NCKAP5: variants seen among roughly 807,000 people sequenced by gnomAD.
NCKAP5 encodes the protein nck-associated protein 5.
Under a neutral mutation model 167.0 loss-of-function variants are expected in NCKAP5, and 92 were observed. The observed-to-expected ratio is 0.55, with a 90% CI of 0.47 to 0.66. The LOEUF (loss-of-function observed/expected upper bound fraction) is 0.66, where lower values mean the gene tolerates loss of function less well. Among genes scored for constraint, NCKAP5 ranks in the 30% least tolerant of loss-of-function variants. The pLI is 0.00. For missense variants in NCKAP5, 2,378 were observed against 2,315.0 expected, an observed-to-expected ratio of 1.03 and a Z score of -0.56; for synonymous variants, 891 against 877.4, an observed-to-expected ratio of 1.02 and a Z score of -0.27.
chr2:133,355,045 G>T (rs189861627), intron 3 of NCKAP5, among the ~76,000 whole-genome samples: 2 of 152,214 alleles, frequency 1.3e-5, no homozygotes, highest in African/African-American at 4.8e-5. Flanking sequence ...AAATTTAATG[G>T]TTCATTGACC....
intron 3 of NCKAP5, among the ~76,000 whole-genome samples, chr2:133,309,792 A>T (rs1681101365): frequency 6.6e-6 from 1 of 152,234 alleles, no homozygotes; most frequent in South Asian, 2.1e-4. Flanking sequence ...TTATAAATGA[A>T]TTCTAATGAT....
At chr2:132,866,480 A>G (rs1263433545) in intron 10 of NCKAP5, among the ~76,000 whole-genome samples, 5 of 152,196 alleles carry the variant, frequency 3.3e-5, no homozygotes, top group Non-Finnish European at 7.4e-5. Context: ...CATTCTCCTA[A>G]GGGAATCCAC....
chr2:132,946,315 A>G (rs961161135), intron 8 of NCKAP5, among the ~76,000 whole-genome samples: 1 of 152,178 alleles, frequency 6.6e-6, no homozygotes, highest in Non-Finnish European at 1.5e-5. Flanking sequence ...CACCCAGAGG[A>G]AAACAGGCAA....
chr2:133,349,488 C>T (rs539882605), intron 3 of NCKAP5, among the ~76,000 whole-genome samples: 7 of 152,202 alleles, frequency 4.6e-5, no homozygotes, highest in East Asian at 1.9e-4. Flanking sequence ...TCTTCCTCGA[C>T]GGCACTTGAC....
rs776642902 is a variant in NCKAP5 at position 132,784,594 on chromosome 2, A to T, written c.2217T>A (p.Thr739=). 1.3e-6 allele frequency: 2 copies of T among 1,595,888 alleles called. No homozygotes were observed. The highest frequency in any genetic ancestry group is 2.7e-5 in the African/African-American group (2 of 74,032). ...CATTATCTTTTGGAATGTTTTTCTC[A>T]GTGTCCTCTTCAGACCTTTTAAAGA... The part of the protein sequence containing the change: ...YTFFKRSEED[T]EKNIPKDNVD... The change falls in exon 14 of 20, where the codon ACT becomes ACA. Residue 739 remains threonine, a synonymous_variant. Transcript: ENST00000409261.
At chr2:132,683,205 A>G (rs185869319) in intron 19 of NCKAP5, among the ~76,000 whole-genome samples, 20 of 152,224 alleles carry the variant, frequency 1.3e-4, no homozygotes, top group Admixed American at 2.0e-4. Flanking sequence ...ATGGACGAAT[A>G]TGCTATCCGT....
intron 6 of NCKAP5, among the ~76,000 whole-genome samples, chr2:133,033,859 C>A (rs369191430): frequency 1.2e-3 from 181 of 151,940 alleles, no homozygotes; most frequent in Non-Finnish European, 2.3e-3. Flanking sequence ...ATGAACCAGA[C>A]CTATGGGATC....
chr2:133,591,926 T>G, the NCKAP5 span, among the ~76,000 whole-genome samples: 1 of 152,324 alleles, frequency 6.6e-6, no homozygotes, highest in African/African-American at 2.4e-5. Flanking sequence ...CTGTTCATTC[T>G]TAGGACCTCA....
At chr2:133,526,817 C>T (rs934797064) in intron 2 of NCKAP5, among the ~76,000 whole-genome samples, 3 of 151,736 alleles carry the variant, frequency 2.0e-5, no homozygotes, top group African/African-American at 4.8e-5. Context: ...AAGGGAAGGT[C>T]GGTATAGAAA....
intron 9 of NCKAP5, among the ~76,000 whole-genome samples, chr2:132,877,526 C>G (rs985233403): frequency 6.6e-6 from 1 of 152,150 alleles, no homozygotes; most frequent in Admixed American, 6.6e-5. Context: ...TTCTGTAGGT[C>G]TGTCGTGGGT....
At chr2:132,695,225 G>T (rs1156576562) in intron 19 of NCKAP5, among the ~76,000 whole-genome samples, 2 of 152,090 alleles carry the variant, frequency 1.3e-5, no homozygotes, top group East Asian at 3.9e-4. Flanking sequence ...ATAAAGTTGT[G>T]GATCCATGTC....
At chr2:132,746,548 A>T (rs753956317) in intron 16 of NCKAP5, among the ~76,000 whole-genome samples, 40 of 152,180 alleles carry the variant, frequency 2.6e-4, no homozygotes, top group Admixed American at 5.9e-4. Flanking sequence ...TTTAATCAAA[A>T]TTAAAAATTT....
At chr2:132,903,459 G>A (rs1390865192) in intron 8 of NCKAP5, among the ~76,000 whole-genome samples, 1 of 152,222 alleles carries the variant, frequency 6.6e-6, no homozygotes, top group African/African-American at 2.4e-5. Flanking sequence ...TGAGGCACAG[G>A]CCCGTGTCTG....
chr2:132,913,044 C>T (rs1673585594), intron 8 of NCKAP5, among the ~76,000 whole-genome samples: 1 of 152,044 alleles, frequency 6.6e-6, no homozygotes, highest in African/African-American at 2.4e-5. Flanking sequence ...ACGGTCTCTT[C>T]CCTATACTTA....
At chr2:132,717,199 C>G (rs761984966) in intron 19 of NCKAP5, among the ~76,000 whole-genome samples, 5 of 152,122 alleles carry the variant, frequency 3.3e-5, no homozygotes, top group African/African-American at 1.2e-4. Flanking sequence ...TGTCCCACTG[C>G]GCATGTCCAT....
At chr2:133,587,008 T>G in the NCKAP5 span, among the ~76,000 whole-genome samples, 52 of 152,238 alleles carry the variant, frequency 3.4e-4, no homozygotes, top group South Asian at 3.3e-3. Context: ...CTAAGTATAC[T>G]CCTAGCAAAA....
At chr2:132,931,979 C>T (rs1477520218) in intron 8 of NCKAP5, among the ~76,000 whole-genome samples, 2 of 152,186 alleles carry the variant, frequency 1.3e-5, no homozygotes, top group Non-Finnish European at 2.9e-5. Flanking sequence ...AAAAAGAGTG[C>T]ATATTCACCG....
intron 6 of NCKAP5, among the ~76,000 whole-genome samples, chr2:133,027,428 T>C (rs1355040254): frequency 1.3e-5 from 2 of 152,236 alleles, no homozygotes; most frequent in Non-Finnish European, 2.9e-5. Context: ...TAATAATTTC[T>C]ATGTGTAGTT....
At chr2:132,880,925 A>G (rs1348659662) in intron 8 of NCKAP5, among the ~76,000 whole-genome samples, 2 of 152,194 alleles carry the variant, frequency 1.3e-5, no homozygotes, top group African/African-American at 4.8e-5. Flanking sequence ...AAATACTTCC[A>G]CATGTGTTTC....
Sources: gnomAD v4.1 joint callset for allele counts (sites outside exome capture counted in the v4.1 genomes callset) on GRCh38, gnomAD v4.1.1 for gene constraint, MANE v1.5 for transcripts, NCBI Gene and HGNC (gene_info 2026-07-23, HGNC 2026-07-21) for gene names.